Variants in DNM3 observed in about 807,000 individuals in gnomAD.
DNM3 encodes dynamin-3.
DNM3 carries 47 observed loss-of-function variants against 101.6 expected under a neutral mutation model. That is an observed-to-expected ratio of 0.46 (90% CI 0.37 to 0.59). The LOEUF is 0.59. Among genes scored for constraint, DNM3 ranks in the 20% least tolerant of loss-of-function variants. DNM3 has a pLI of 0.00. For missense variants in DNM3, 849 were observed against 1,085.7 expected (o/e 0.78, Z 3.06); for synonymous variants, 385 against 387.9 (o/e 0.99, Z 0.09).
chr1:171,927,784 C>A (rs2040698510), intron 2 of DNM3, among the ~76,000 whole-genome samples: 1 of 152,158 alleles, frequency 6.6e-6, no homozygotes, highest in South Asian at 2.1e-4. Context: ...GTTTTGCCAT[C>A]CTCCTGAATC....
In DNM3 at chr1:172,131,206, A is replaced by G; in HGVS notation, c.1577A>G (p.Asn526Ser). 1 of 1,613,450 alleles carries G rather than the reference A, an allele frequency of 6.2e-7. No homozygotes were observed. The highest frequency in any genetic ancestry group is 8.5e-7 in the Non-Finnish European group (1 of 1,179,606). The change falls in exon 14 of 21, where the codon AAC becomes AGC. Residue 526 changes from asparagine (N) to serine (S), a missense_variant. Physicochemically the swap from Asn to Ser is conservative, Grantham distance 46. This residue lies in a region of DNM3 where 193 missense variants were observed against 238.4 expected (regional missense o/e 0.81). Transcript: ENST00000627582. ...VIRKGWLTIS[N>S]IGIMKGGSKG... is the part of the protein sequence containing the mutation. ...CGCAAGGGGTGGCTCACCATCAGCA[A>G]CATTGGCATCATGAAAGGCGGCTCG...
intron 15 of DNM3, among the ~76,000 whole-genome samples, chr1:172,293,637 G>A (rs746783015): frequency 3.3e-5 from 5 of 152,178 alleles, no homozygotes; most frequent in Non-Finnish European, 5.9e-5. Flanking sequence ...AATCAGCTCA[G>A]TTCAGTGTTT....
intron 14 of DNM3, among the ~76,000 whole-genome samples, chr1:172,133,963 C>T (rs1442457611): frequency 6.6e-6 from 1 of 152,096 alleles, no homozygotes; most frequent in East Asian, 1.9e-4. Context: ...TTGGAGTGTT[C>T]CAACAGGTTG....
At chr1:172,366,946 A>C (rs972105537) in intron 17 of DNM3, among the ~76,000 whole-genome samples, 2 of 151,896 alleles carry the variant, frequency 1.3e-5, no homozygotes, top group Non-Finnish European at 2.9e-5. Flanking sequence ...TTAATGAAAT[A>C]ATAGCTGAAA....
chr1:172,293,297 T>A (rs552760148), intron 15 of DNM3, among the ~76,000 whole-genome samples: 1 of 152,350 alleles, frequency 6.6e-6, no homozygotes, highest in East Asian at 1.9e-4. Context: ...TATGAAATGT[T>A]AATGAAAGTT....
intron 1 of DNM3, among the ~76,000 whole-genome samples, chr1:171,877,619 G>T (rs375918808): frequency 6.6e-6 from 1 of 152,274 alleles, no homozygotes; most frequent in African/African-American, 2.4e-5. Flanking sequence ...AAGAACATAG[G>T]TAATCTATAA....
chr1:172,409,535 T>C lies in DNM3; in HGVS notation c.*1694T>C. 2 of 984,502 alleles carry C rather than the reference T, an allele frequency of 2.0e-6. No individual in the cohort carries two copies. The highest frequency in any genetic ancestry group is 2.4e-6 in the Non-Finnish European group (2 of 829,108). 61.0% of individuals were successfully genotyped at this position (984,502 alleles called of 1,614,324 possible). On this transcript the variant is annotated 3_prime_UTR_variant, in exon 21 of 21. Coordinates refer to ENST00000627582, the MANE Select transcript of DNM3 (RefSeq NM_015569.5). ...TTCAACTTTTAAGGTTACCAGTGAT[T>C]GTATAAAAACATCACAATCCTAAAT...
intron 14 of DNM3, among the ~76,000 whole-genome samples, chr1:172,203,966 T>C (rs961085194): frequency 1.3e-5 from 2 of 152,168 alleles, no homozygotes; most frequent in African/African-American, 4.8e-5. Context: ...AAAAGATTAT[T>C]GATATTTTTA....
At chr1:172,043,006 C>T (rs1190402077) in intron 8 of DNM3, among the ~76,000 whole-genome samples, 1 of 152,114 alleles carries the variant, frequency 6.6e-6, no homozygotes, top group Non-Finnish European at 1.5e-5. Context: ...TACAATTTTA[C>T]AGGCCCCCTT....
intron 6 of DNM3, 64 bp downstream of exon 6, chr1:172,033,329 T>G: frequency 6.9e-7 from 1 of 1,449,632 alleles, no homozygotes; most frequent in Non-Finnish European, 9.2e-7. Context: ...CTGGAATTCA[T>G]ATTTATTATT....
intron 14 of DNM3, among the ~76,000 whole-genome samples, chr1:172,230,953 G>T (rs1025784281): frequency 6.6e-6 from 1 of 151,924 alleles, no homozygotes; most frequent in African/African-American, 2.4e-5. Flanking sequence ...ATGTTGAAAT[G>T]ACATAGATCT....
chr1:172,391,024 A>G (rs2227198), intron 20 of DNM3, among the ~76,000 whole-genome samples: 72,757 of 152,104 alleles, frequency 0.48, 20,362 homozygotes, highest in East Asian at 0.87. Context: ...AGTTGCCGTT[A>G]GTATTTTCCA....
chr1:171,885,025 G>A (rs1290104162), intron 1 of DNM3, among the ~76,000 whole-genome samples: 3 of 152,144 alleles, frequency 2.0e-5, no homozygotes, highest in African/African-American at 7.2e-5. Flanking sequence ...TTGGCACAAG[G>A]TAGTTGCTTG....
At chr1:172,068,054 G>A (rs376096004) in intron 10 of DNM3, among the ~76,000 whole-genome samples, 147 of 152,324 alleles carry the variant, frequency 9.7e-4, no homozygotes, top group African/African-American at 3.1e-3. Context: ...TTGGCCGGGC[G>A]TGGTGGCTCA....
At chr1:172,190,327 A>G (rs1309575678) in intron 14 of DNM3, among the ~76,000 whole-genome samples, 3 of 152,210 alleles carry the variant, frequency 2.0e-5, no homozygotes, top group South Asian at 2.1e-4. Context: ...CCATGTCCCT[A>G]TAAAGGACAT....
intron 10 of DNM3, 112 bp from the exon 11 acceptor site, chr1:172,068,707 G>T: frequency 1.1e-6 from 1 of 889,448 alleles, no homozygotes. Context: ...TTTCATTTTT[G>T]CTTCCAGAAT....
chr1:172,367,853 A>G (rs1338897853), intron 17 of DNM3, among the ~76,000 whole-genome samples: 1 of 151,828 alleles, frequency 6.6e-6, no homozygotes, highest in African/African-American at 2.4e-5. Context: ...TATAATTCCC[A>G]TATGTCTTGG....
chr1:171,841,865 G>T, intron 1 of DNM3, 48 bp downstream of exon 1: 1 of 1,565,756 alleles, frequency 6.4e-7, no homozygotes. Context: ...GGGCGACCCC[G>T]CTGCGGGCCG....
At chr1:172,227,862 G>A (rs1421299777) in intron 14 of DNM3, among the ~76,000 whole-genome samples, 1 of 152,048 alleles carries the variant, frequency 6.6e-6, no homozygotes, top group Non-Finnish European at 1.5e-5. Flanking sequence ...GGTCATAGTG[G>A]ATATTATTAG....
Sources: gnomAD v4.1 joint callset for allele counts (sites outside exome capture counted in the v4.1 genomes callset) on GRCh38, gnomAD v4.1.1 for gene constraint, gnomAD v4.1.1 regional missense constraint, MANE v1.5 for transcripts, NCBI Gene and HGNC (gene_info 2026-07-23, HGNC 2026-07-21) for gene names.